TCERG1L: variants seen among roughly 807,000 people sequenced by gnomAD.
TCERG1L encodes transcription elongation regulator 1 like.
TCERG1L carries 37 observed loss-of-function variants against 56.3 expected under a neutral mutation model. That is an observed-to-expected ratio of 0.66 (90% CI 0.51 to 0.87). TCERG1L has a LOEUF of 0.87. Ranked by LOEUF, TCERG1L falls within the 40% of genes least tolerant of loss-of-function variation. The probability of loss-of-function intolerance (pLI) is 0.00; values close to 1 mark genes in which losing one functional copy is unlikely to be tolerated. For missense variants in TCERG1L, 799 were observed against 774.2 expected (o/e 1.03, Z -0.38); for synonymous variants, 324 against 326.3 (o/e 0.99, Z 0.08).
intron 9 of TCERG1L, among the ~76,000 whole-genome samples, chr10:131,109,326 G>A (rs978537499): frequency 3.9e-5 from 6 of 152,134 alleles, no homozygotes; most frequent in Non-Finnish European, 7.4e-5. Flanking sequence ...ACGCCCTGAC[G>A]AACAGTGACA....
At chr10:131,237,368 G>A (rs573959480) in intron 4 of TCERG1L, among the ~76,000 whole-genome samples, 5 of 152,120 alleles carry the variant, frequency 3.3e-5, no homozygotes, top group East Asian at 1.9e-4. Context: ...CCTCATGCCC[G>A]GCATGTGCTT....
chr10:131,310,800 T>A (rs1846880973), intron 1 of TCERG1L, among the ~76,000 whole-genome samples: 1 of 152,188 alleles, frequency 6.6e-6, no homozygotes, highest in African/African-American at 2.4e-5. Flanking sequence ...CTCTTAAGCA[T>A]TGCCCTGAGT....
At chr10:131,206,961 T>C (rs767803954) in intron 4 of TCERG1L, among the ~76,000 whole-genome samples, 1 of 152,096 alleles carries the variant, frequency 6.6e-6, no homozygotes, top group Non-Finnish European at 1.5e-5. Context: ...ACTCTGTTTG[T>C]TCCTAATTCT....
rs115885314 is a variant in TCERG1L at position 131,203,286 on chromosome 10, G to A, written c.857-36401C>T. ...TTCCAGTACGTCCCACTGCACTCTCGCATGGGTGACAGAGTGAGACTCCGT... is the reference window on the plus strand; with the variant it reads ...TTCCAGTACGTCCCACTGCACTCTCACATGGGTGACAGAGTGAGACTCCGT... On this transcript the variant is annotated intron_variant, in intron 4 of 11. Coordinates refer to ENST00000368642, the MANE Select transcript of TCERG1L (RefSeq NM_174937.4). Among the ~76,000 whole-genome samples, 691 of 134,800 alleles carry A rather than the reference G, an allele frequency of 5.1e-3. 4 individuals carry two copies. Among genetic ancestry groups the A allele is most frequent in the African/African-American group, 0.018 (650 of 36,514 alleles). The allele number at this position is 134,800 out of a possible 152,430, so 88.4% of individuals were successfully genotyped here. A position where few individuals can be genotyped will look rare whatever the true frequency, so the allele number is the denominator to read the frequency against.
intron 6 of TCERG1L, 142 bp from the exon 7 acceptor site, chr10:131,146,802 A>C (rs1408336876): frequency 5.4e-6 from 5 of 918,978 alleles, no homozygotes; most frequent in Non-Finnish European, 6.3e-6. Context: ...TATGAATACT[A>C]AAGACAAAGC....
chr10:131,311,684 A>G lies in TCERG1L; in HGVS notation c.-49T>C. The G allele has an allele frequency of 3.1e-6, 3 of 959,558 alleles. No homozygotes were observed. Among genetic ancestry groups the G allele is most frequent in the Non-Finnish European group, 3.8e-6 (3 of 780,732 alleles). 59.4% of individuals were successfully genotyped at this position (959,558 alleles called of 1,614,324 possible). Reference sequence around the variant, plus strand: ...GCGGCGGGGGCGGCGGGCGCCCGAGATGCTGGGCCGGCGGCGGCGCGGCTC... The same window carrying G: ...GCGGCGGGGGCGGCGGGCGCCCGAGGTGCTGGGCCGGCGGCGGCGCGGCTC... On this transcript the variant is annotated 5_prime_UTR_variant, in exon 1 of 12. Coordinates refer to ENST00000368642, the MANE Select transcript of TCERG1L (RefSeq NM_174937.4). The surrounding 1 kb of genome is among the most constrained non-coding windows in gnomAD (Gnocchi z 4.0).
chr10:131,134,287 T>C (rs1845650986), intron 8 of TCERG1L, 92 bp downstream of exon 8: 3 of 1,171,370 alleles, frequency 2.6e-6, no homozygotes, highest in Non-Finnish European at 3.7e-6. Context: ...TCTTTGCTCA[T>C]AGTCAATGTG....
chr10:131,120,448 G>T (rs1002619658), intron 8 of TCERG1L, among the ~76,000 whole-genome samples: 1 of 152,314 alleles, frequency 6.6e-6, no homozygotes, highest in Admixed American at 6.5e-5. Flanking sequence ...ACCCTCAGAG[G>T]CACTTCTCTC....
chr10:131,201,964 G>T (rs1345397606), intron 4 of TCERG1L, among the ~76,000 whole-genome samples: 2 of 152,204 alleles, frequency 1.3e-5, no homozygotes, highest in Non-Finnish European at 2.9e-5. Context: ...GGCCACGTGG[G>T]GGTCACGGGG....
At chr10:131,134,776 A>C (rs1845656601) in intron 7 of TCERG1L, among the ~76,000 whole-genome samples, 1 of 152,162 alleles carries the variant, frequency 6.6e-6, no homozygotes, top group Non-Finnish European at 1.5e-5. Flanking sequence ...GGGAATGAGC[A>C]AATCTATGTC....
At chr10:131,154,494 C>T (rs1845898957) in intron 6 of TCERG1L, among the ~76,000 whole-genome samples, 2 of 152,194 alleles carry the variant, frequency 1.3e-5, no homozygotes, top group East Asian at 1.9e-4. Flanking sequence ...GGCCGGGCCA[C>T]CAGGGCTGAG....
intron 4 of TCERG1L, among the ~76,000 whole-genome samples, chr10:131,191,014 G>C (rs1321790663): frequency 1.4e-5 from 2 of 144,468 alleles, no homozygotes; most frequent in Admixed American, 6.9e-5. Flanking sequence ...AATGAATTCA[G>C]TAAAGTCTCA....
chr10:131,301,796 AAAG>A (rs539507771), intron 3 of TCERG1L, among the ~76,000 whole-genome samples: 10 of 152,236 alleles, frequency 6.6e-5, no homozygotes, highest in East Asian at 3.9e-4. Context: ...GAATAAATCA[AAAG>A]AATAAAAGAA....
rs755417606 is a variant in TCERG1L at position 131,260,656 on chromosome 10, G to A, written c.671-212C>T. On this transcript the variant is annotated intron_variant, in intron 3 of 11. Coordinates refer to ENST00000368642, the MANE Select transcript of TCERG1L (RefSeq NM_174937.4). The surrounding 1 kb of genome is among the most constrained non-coding windows in gnomAD (Gnocchi z 5.8). ...AGTCAAACGCTGCCATGCAACCAGT[G>A]CACACACAGAGCCGTGTGATGCCCA... Among the ~76,000 whole-genome samples the A allele has an allele frequency of 4.6e-5, 7 of 152,166 alleles. No individual in the cohort carries two copies. Among genetic ancestry groups the A allele is most frequent in the Non-Finnish European group, 8.8e-5 (6 of 68,042 alleles).
At chr10:131,184,667 C>T (rs1290918540) in intron 4 of TCERG1L, among the ~76,000 whole-genome samples, 1 of 152,212 alleles carries the variant, frequency 6.6e-6, no homozygotes, top group Non-Finnish European at 1.5e-5. Context: ...TCCTGCTACT[C>T]GCTGATTCTA....
intron 3 of TCERG1L, among the ~76,000 whole-genome samples, chr10:131,285,353 CA>C (rs1846510663): frequency 7.8e-6 from 1 of 127,614 alleles, no homozygotes; most frequent in South Asian, 2.5e-4. Context: ...CTAGCCTGGG[CA>C]ATACAGTAAG....
chr10:131,256,681 C>T (rs1037256789), intron 4 of TCERG1L, among the ~76,000 whole-genome samples: 1 of 151,882 alleles, frequency 6.6e-6, no homozygotes, highest in Non-Finnish European at 1.5e-5. Flanking sequence ...GTCAGGAGTT[C>T]GAGACCAGCC....
chr10:131,301,860 C>A (rs945430751), intron 3 of TCERG1L, among the ~76,000 whole-genome samples: 2 of 151,862 alleles, frequency 1.3e-5, no homozygotes, highest in Non-Finnish European at 2.9e-5. Context: ...CATAGTAAAT[C>A]AAATATAAAG....
Position 131,260,368 on chromosome 10 carries a change from G to A in TCERG1L, c.747C>T (p.Val249=), listed in dbSNP as rs1469091859. 4.0e-6 allele frequency: 6 copies of A among 1,499,022 alleles called. No homozygotes were observed. Among genetic ancestry groups the A allele is most frequent in the African/African-American group, 2.9e-5 (2 of 67,914 alleles). The allele number at this position is 1,499,022 out of a possible 1,614,324, so 92.9% of individuals were successfully genotyped here. A position where few individuals can be genotyped will look rare whatever the true frequency, so the allele number is the denominator to read the frequency against. The part of the protein sequence containing the change: ...AIATAAAAAM[V]SVDPENLRGP... The stretch of plus-strand genomic sequence containing the variant: ...CCCGGAGGTTCTCAGGGTCCACGGA[G>A]ACCATGGCAGCGGCGGCGGCGGTGG... Residue 249 remains valine (V), a synonymous_variant, in exon 4 of 12, where the codon GTC becomes GTT. Transcript: ENST00000368642. This position sits in a 1 kb window ranked among gnomAD's most constrained non-coding sequence, Gnocchi z 5.8.
Sources: gnomAD v4.1 joint callset for allele counts (sites outside exome capture counted in the v4.1 genomes callset) on GRCh38, gnomAD v4.1.1 for gene constraint, Gnocchi (gnomAD v3.1) non-coding constraint, MANE v1.5 for transcripts, NCBI Gene and HGNC (gene_info 2026-07-23, HGNC 2026-07-21) for gene names.